Variants in DOCK9 observed in about 807,000 individuals in gnomAD.
DOCK9 encodes dedicator of cytokinesis protein 9.
DOCK9 carries 89 observed loss-of-function variants against 263.3 expected under a neutral mutation model. The observed-to-expected ratio is 0.34, with a 90% CI of 0.28 to 0.40. The LOEUF (loss-of-function observed/expected upper bound fraction) is 0.40, where lower values mean the gene tolerates loss of function less well. Ranked by LOEUF, DOCK9 falls within the 10% of genes least tolerant of loss-of-function variation. DOCK9 has a pLI of 1.00. For missense variants in DOCK9, 2,140 were observed against 2,603.4 expected (o/e 0.82, Z 3.87); for synonymous variants, 976 against 973.1 (o/e 1.00, Z -0.06).
chr13:98,839,735 C>A (rs2093140163), intron 38 of DOCK9, among the ~76,000 whole-genome samples: 1 of 152,206 alleles, frequency 6.6e-6, no homozygotes, highest in South Asian at 2.1e-4. Context: ...AAGCCTGCAA[C>A]AATTAAAAAT....
intron 7 of DOCK9, among the ~76,000 whole-genome samples, chr13:98,916,502 C>A (rs1293792506): frequency 6.6e-6 from 1 of 152,206 alleles, no homozygotes; most frequent in Non-Finnish European, 1.5e-5. Flanking sequence ...TCTAAGAGTT[C>A]CTTGGTGGAG....
chr13:98,853,960 G>C (rs1440226230), intron 34 of DOCK9, among the ~76,000 whole-genome samples: 2 of 152,322 alleles, frequency 1.3e-5, no homozygotes, highest in South Asian at 4.1e-4. Flanking sequence ...AGTGCCTGTG[G>C]TGCTGCTGTG....
At chr13:98,953,376 G>C (rs1398900968) in intron 2 of DOCK9, among the ~76,000 whole-genome samples, 2 of 152,196 alleles carry the variant, frequency 1.3e-5, no homozygotes, top group Non-Finnish European at 2.9e-5. Flanking sequence ...AAAAGCAAAG[G>C]GGACACAGAA....
chr13:98,805,329 A>G, intron 48 of DOCK9, 120 bp from the exon 49 acceptor site: 1 of 857,684 alleles, frequency 1.2e-6, no homozygotes, highest in Middle Eastern at 2.4e-4. Flanking sequence ...AGTACAACAA[A>G]CATCCACATA....
At chr13:99,077,448 C>T (rs1439236896) in intron 1 of DOCK9, among the ~76,000 whole-genome samples, 1 of 152,202 alleles carries the variant, frequency 6.6e-6, no homozygotes. Flanking sequence ...TTCCCCTTCA[C>T]CTTCTGCCAT....
chr13:98,861,543 A>C (rs1382486612), intron 32 of DOCK9, among the ~76,000 whole-genome samples: 3 of 152,198 alleles, frequency 2.0e-5, no homozygotes, highest in Non-Finnish European at 4.4e-5. Context: ...TTAGATGTAA[A>C]ACTCTTATAA....
intron 34 of DOCK9, 72 bp downstream of exon 34, chr13:98,855,826 C>T (rs1300044948): frequency 5.1e-6 from 8 of 1,574,836 alleles, no homozygotes; most frequent in Non-Finnish European, 6.9e-6. Context: ...GGCACTAGAA[C>T]ATGAAGTACG....
intron 1 of DOCK9, among the ~76,000 whole-genome samples, chr13:98,999,242 A>G (rs1416275555): frequency 1.3e-5 from 2 of 151,656 alleles, no homozygotes; most frequent in East Asian, 3.9e-4. Context: ...GACCTGGAAC[A>G]CAGGTCATAG....
At chr13:98,809,298 T>C (rs966673333) in intron 47 of DOCK9, 54 bp downstream of exon 47, 5 of 1,443,300 alleles carry the variant, frequency 3.5e-6, no homozygotes, top group Admixed American at 4.2e-5. Flanking sequence ...TGTTTTTGTT[T>C]TTGTTTTTTT....
At chr13:98,812,606 A>G (rs1179510118) in intron 45 of DOCK9, among the ~76,000 whole-genome samples, 1 of 152,306 alleles carries the variant, frequency 6.6e-6, no homozygotes, top group Non-Finnish European at 1.5e-5. Flanking sequence ...TATTTTAAAA[A>G]GCAAACATAC....
At chr13:98,855,213 C>A (rs1307106961) in intron 34 of DOCK9, among the ~76,000 whole-genome samples, 1 of 152,228 alleles carries the variant, frequency 6.6e-6, no homozygotes, top group Non-Finnish European at 1.5e-5. Flanking sequence ...TTCTCTGGAG[C>A]TGGCTTCAGA....
intron 1 of DOCK9, among the ~76,000 whole-genome samples, chr13:98,974,445 T>C (rs2060019519): frequency 6.6e-6 from 1 of 152,038 alleles, no homozygotes; most frequent in Admixed American, 6.5e-5. Context: ...CAAACACATA[T>C]TCTCTTGGAA....
chr13:98,962,892 G>C (rs2058803059), intron 1 of DOCK9, among the ~76,000 whole-genome samples: 1 of 152,182 alleles, frequency 6.6e-6, no homozygotes, highest in Non-Finnish European at 1.5e-5. Context: ...GTGGGCGATA[G>C]AGAAAAGCAC....
chr13:99,086,306 A>T, exon 1 of DOCK9: 1 of 1,484,116 alleles, frequency 6.7e-7, no homozygotes, highest in Non-Finnish European at 8.9e-7. Context: ...GCCCGGGTGA[A>T]CTTCCGAGTC....
chr13:99,030,689 A>G (rs1042085312), intron 1 of DOCK9, among the ~76,000 whole-genome samples: 1 of 152,232 alleles, frequency 6.6e-6, no homozygotes, highest in Non-Finnish European at 1.5e-5. Flanking sequence ...ATGATGCCTC[A>G]TTATAAAACC....
At chr13:98,917,027 T>A (rs1421956083) in intron 7 of DOCK9, among the ~76,000 whole-genome samples, 1 of 152,200 alleles carries the variant, frequency 6.6e-6, no homozygotes, top group Non-Finnish European at 1.5e-5. Context: ...AAACAAATTA[T>A]TTTACTCTTT....
intron 1 of DOCK9, chr13:99,015,569 G>A (rs577360233): frequency 2.3e-5 from 37 of 1,597,894 alleles, no homozygotes; most frequent in African/African-American, 5.3e-5. Context: ...AAAACGGTGC[G>A]GATGCCTTTA....
chr13:99,067,818 C>T (rs141105456), intron 1 of DOCK9, among the ~76,000 whole-genome samples: 6 of 151,718 alleles, frequency 4.0e-5, no homozygotes, highest in Non-Finnish European at 5.9e-5. Context: ...GGCCCATTGC[C>T]CAGGGTGGAG....
chr13:99,018,834 T>A (rs993870985), intron 1 of DOCK9, among the ~76,000 whole-genome samples: 1 of 152,176 alleles, frequency 6.6e-6, no homozygotes, highest in Non-Finnish European at 1.5e-5. Context: ...GAGATCACAT[T>A]TACTCTCCCA....
Sources: gnomAD v4.1 joint callset for allele counts (sites outside exome capture counted in the v4.1 genomes callset) on GRCh38, gnomAD v4.1.1 for gene constraint, MANE v1.5 for transcripts, NCBI Gene and HGNC (gene_info 2026-07-23, HGNC 2026-07-21) for gene names.